The following CNDP1 variants were observed in gnomAD, a reference collection of about 807,000 sequenced individuals.
CNDP1 encodes beta-Ala-His dipeptidase.
CNDP1 carries 44 observed loss-of-function variants against 58.1 expected under a neutral mutation model. That is an observed-to-expected ratio of 0.76 (90% confidence interval 0.60 to 0.97). The LOEUF is 0.97. Among genes scored for constraint, CNDP1 ranks in the 50% least tolerant of loss-of-function variants. CNDP1 has a pLI of 0.00. For missense variants in CNDP1, 616 were observed against 655.1 expected (o/e 0.94, Z 0.65); for synonymous variants, 254 against 252.6 (o/e 1.01, Z -0.05).
intron 9 of CNDP1, among the ~76,000 whole-genome samples, chr18:74,578,655 CT>C (rs1981697586): frequency 6.6e-6 from 1 of 152,226 alleles, no homozygotes; most frequent in South Asian, 2.1e-4. Context: ...AGAATCCAGT[CT>C]TTTCCCTCAA....
At chr18:74,535,098 G>A (rs1313670234) in intron 1 of CNDP1, among the ~76,000 whole-genome samples, 1 of 152,126 alleles carries the variant, frequency 6.6e-6, no homozygotes, top group Non-Finnish European at 1.5e-5. Flanking sequence ...CGACTTAAGG[G>A]CTAGTTTGCA....
rs555087813 is a variant in CNDP1 at position 74,556,663 on chromosome 18, T to C, written c.153+197T>C. 2.4e-4 allele frequency among the ~76,000 whole-genome samples: 36 copies of C among 152,352 alleles called. 1 individual carries two copies. Among genetic ancestry groups the C allele is most frequent in the African/African-American group, 8.4e-4 (35 of 41,582 alleles). ...CGAGATCCCTCCTAGCCATTCCTCC[T>C]GTAAAGGGCACTGGGTCTTCATATC... On this transcript the variant is annotated intron_variant, in intron 2 of 11. Coordinates refer to ENST00000358821, the MANE Select transcript of CNDP1 (RefSeq NM_032649.6).
intron 10 of CNDP1, among the ~76,000 whole-genome samples, chr18:74,581,004 A>G (rs971549158): frequency 6.6e-6 from 1 of 152,180 alleles, no homozygotes. Flanking sequence ...CTTAGCTTGT[A>G]TGACATCAGA....
Position 74,567,277 on chromosome 18 carries a change from G to T in CNDP1, c.600G>T (p.Glu200Asp). 2 of 1,614,236 alleles carry T rather than the reference G, an allele frequency of 1.2e-6. No homozygotes were observed. Among genetic ancestry groups the T allele is most frequent in the Non-Finnish European group, 1.7e-6 (2 of 1,180,040 alleles). ...AATTCATCATTGAGGGGATGGAAGA[G>T]GCTGGCTCTGTTGCCCTGGAGGAAC... ...NIKFIIEGME[E>D]AGSVALEELV... Residue 200 changes from glutamate (E) to aspartate (D), a missense_variant, in exon 6 of 12, where the codon GAG becomes GAT. Glu to Asp is a conservative substitution (Grantham distance 45). Coordinates refer to ENST00000358821, the MANE Select transcript of CNDP1 (RefSeq NM_032649.6).
intron 5 of CNDP1, 95 bp downstream of exon 5, chr18:74,562,230 G>T (rs776329978): frequency 9.3e-7 from 1 of 1,069,702 alleles, no homozygotes; most frequent in Non-Finnish European, 1.4e-6. Context: ...ACTGCCTTAG[G>T]TCACTTACTC....
chr18:74,554,155 T>C (rs1337746403), intron 1 of CNDP1, among the ~76,000 whole-genome samples: 1 of 152,162 alleles, frequency 6.6e-6, no homozygotes, highest in Non-Finnish European at 1.5e-5. Context: ...CTGCACTGCT[T>C]TATCCACATG....
At chr18:74,563,630 T>G (rs1003685560) in intron 5 of CNDP1, among the ~76,000 whole-genome samples, 6 of 152,184 alleles carry the variant, frequency 3.9e-5, no homozygotes, top group Admixed American at 3.9e-4. Flanking sequence ...AACATCTCCA[T>G]GGGGGATGGT....
chr18:74,576,953 C>T lies in CNDP1; in HGVS notation c.926C>T (p.Thr309Ile). Residue 309 changes from threonine (T) to isoleucine (I), a missense_variant, in exon 8 of 12, where the codon ACA becomes ATA. Physicochemically the swap from Thr to Ile is moderately conservative, Grantham distance 89. Coordinates refer to ENST00000358821, the MANE Select transcript of CNDP1 (RefSeq NM_032649.6). ...VVPLTEEEIN[T>I]YKAIHLDLEE... ...CCTCTTACAGAAGAGGAAATAAATA[C>T]ATACAAAGCCATCCATCTAGACCTA... 1.2e-6 allele frequency: 2 copies of T among 1,613,648 alleles called. No homozygotes were observed. Among genetic ancestry groups the T allele is most frequent in the South Asian group, 2.2e-5 (2 of 90,904 alleles).
intron 4 of CNDP1, chr18:74,561,280 G>T (rs1375409687): frequency 3.1e-6 from 1 of 327,754 alleles, no homozygotes; most frequent in Non-Finnish European, 5.8e-6. Context: ...GCTGGGCATG[G>T]TCGTGGGCGC....
At chr18:74,575,842 T>C (rs1981621089) in intron 7 of CNDP1, among the ~76,000 whole-genome samples, 1 of 149,372 alleles carries the variant, frequency 6.7e-6, no homozygotes. Flanking sequence ...TGTGTGTGTG[T>C]GTGTGTGTGT....
Position 74,562,061 on chromosome 18 carries a change from C to A in CNDP1, c.481C>A (p.Arg161=). The A allele has an allele frequency of 6.2e-7, 1 of 1,613,970 alleles. No homozygotes were observed. Among genetic ancestry groups the A allele is most frequent in the Non-Finnish European group, 8.5e-7 (1 of 1,179,916 alleles). ...LTEVDGKLYG[R]GATDNKGPVL... ...CCTTTTTAAAGGGAAACTTTATGGA[C>A]GAGGAGCGACCGACAACAAAGGCCC... Residue 161 remains arginine (R), a synonymous_variant, in exon 5 of 12, where the codon CGA becomes AGA. Coordinates refer to ENST00000358821, the MANE Select transcript of CNDP1 (RefSeq NM_032649.6).
At chr18:74,568,262 T>C (rs1038610689) in intron 6 of CNDP1, among the ~76,000 whole-genome samples, 3 of 152,180 alleles carry the variant, frequency 2.0e-5, no homozygotes, top group Non-Finnish European at 2.9e-5. Flanking sequence ...CACATGGCTA[T>C]GCGTGTGAAA....
intron 11 of CNDP1, chr18:74,583,995 T>C (rs1981852745): frequency 5.0e-6 from 2 of 398,004 alleles, no homozygotes; most frequent in South Asian, 3.4e-5. Context: ...ACCAGACCCA[T>C]TGGATTAGGA....
chr18:74,556,602 GGGT>G, intron 2 of CNDP1, 136 bp downstream of exon 2: 1 of 986,138 alleles, frequency 1.0e-6, no homozygotes, highest in East Asian at 2.4e-5. Flanking sequence ...ACTGCTCATT[GGGT>G]TAAAAATCTT....
chr18:74,547,402 C>A (rs1263344690), intron 1 of CNDP1, among the ~76,000 whole-genome samples: 1 of 152,202 alleles, frequency 6.6e-6, no homozygotes, highest in African/African-American at 2.4e-5. Context: ...TGGCCTGAGG[C>A]TTTGTGGGGG....
chr18:74,548,515 C>T (rs1200931135), intron 1 of CNDP1, among the ~76,000 whole-genome samples: 2 of 152,138 alleles, frequency 1.3e-5, no homozygotes, highest in African/African-American at 2.4e-5. Context: ...CACCTCTTTT[C>T]TTTATAAACT....
At position 74,562,267 on chromosome 18, in the gene CNDP1, C is replaced by T. The variant is rs190214371; in HGVS notation, c.555+132C>T. 178 of 748,162 alleles carry T rather than the reference C, an allele frequency of 2.4e-4. 1 individual carries two copies. Among genetic ancestry groups the T allele is most frequent in the African/African-American group, 2.3e-3 (132 of 57,788 alleles). 46.3% of individuals were successfully genotyped at this position (748,162 alleles called of 1,614,324 possible). A position where few individuals can be genotyped will look rare whatever the true frequency, so the allele number is the denominator to read the frequency against. ...CCCCAACAATCTTTGGAGGTGTGTG[C>T]GACAATGGTATCCATTTTGCAGATA... On this transcript the variant is annotated intron_variant, in intron 5 of 11. Coordinates refer to ENST00000358821, the MANE Select transcript of CNDP1 (RefSeq NM_032649.6).
intron 1 of CNDP1, among the ~76,000 whole-genome samples, chr18:74,542,073 G>A (rs780283253): frequency 6.6e-5 from 10 of 152,202 alleles, no homozygotes; most frequent in Non-Finnish European, 1.3e-4. Flanking sequence ...AGTGCATGGC[G>A]CTCAGGGAGA....
At chr18:74,542,486 A>G (rs751934648) in intron 1 of CNDP1, among the ~76,000 whole-genome samples, 7 of 152,204 alleles carry the variant, frequency 4.6e-5, no homozygotes, top group Non-Finnish European at 8.8e-5. Context: ...CGTCCCAGGA[A>G]GTGAAATCAT....
Sources: gnomAD v4.1 joint callset for allele counts (sites outside exome capture counted in the v4.1 genomes callset) on GRCh38, gnomAD v4.1.1 for gene constraint, MANE v1.5 for transcripts, NCBI Gene and HGNC (gene_info 2026-07-23, HGNC 2026-07-21) for gene names.